Variants in CTNNA2 observed in about 807,000 individuals in gnomAD.
The protein encoded by CTNNA2 is catenin alpha-2.
CTNNA2 carries 42 observed loss-of-function variants against 101.0 expected under a neutral mutation model. That is an observed-to-expected ratio of 0.42 (90% CI 0.32 to 0.54). The LOEUF (loss-of-function observed/expected upper bound fraction) is 0.54. Among genes scored for constraint, CTNNA2 ranks in the 20% least tolerant of loss-of-function variants. The pLI is 0.14. For synonymous variants in CTNNA2, 450 were observed against 456.4 expected (o/e 0.99, Z 0.18); for missense variants, 871 against 1,223.1 (o/e 0.71, Z 4.29).
At chr2:80,219,621 A>G (rs1000803998) in intron 7 of CTNNA2, among the ~76,000 whole-genome samples, 1 of 152,178 alleles carries the variant, frequency 6.6e-6, no homozygotes, top group African/African-American at 2.4e-5. Flanking sequence ...GTAACACTGC[A>G]GAGTTGATGT....
At chr2:79,541,427 CATATATAT>C (rs9284785) in intron 1 of CTNNA2, among the ~76,000 whole-genome samples, 26,403 of 142,450 alleles carry the variant, frequency 0.19, 2,519 homozygotes, top group Middle Eastern at 0.23. Context: ...CGCACACACA[CATATATAT>C]ATATATATAT....
At chr2:80,245,463 C>T (rs1373040705) in intron 7 of CTNNA2, among the ~76,000 whole-genome samples, 2 of 152,196 alleles carry the variant, frequency 1.3e-5, no homozygotes, top group Admixed American at 6.5e-5. Context: ...ATCACATTCA[C>T]AACGAGTCTT....
chr2:79,518,880 G>GT (rs142460002), intron 1 of CTNNA2, among the ~76,000 whole-genome samples: 30,430 of 149,996 alleles, frequency 0.2, 3,259 homozygotes, highest in Middle Eastern at 0.33. Flanking sequence ...CACAAAATAT[G>GT]TTTTTTTTTT....
rs191715034 is a variant in CTNNA2, at chr2:79,513,505, C to G, written c.-6+298C>G. Among the ~76,000 whole-genome samples, 152 of 152,294 alleles carry G rather than the reference C, an allele frequency of 1.0e-3. 2 individuals are homozygous for G. Among genetic ancestry groups the G allele is most frequent in the Admixed American group, 9.5e-3 (145 of 15,300 alleles). On this transcript the variant is annotated intron_variant, in intron 1 of 18. Transcript: ENST00000402739. ...TCTTGTCTCCATCTCTTCTTCCCCC[C>G]TTTCTTACCTCTTCCCCGGTGGGAG...
intron 7 of CTNNA2, among the ~76,000 whole-genome samples, chr2:80,262,181 TCTCCAG>T (rs1672659903): frequency 6.6e-6 from 1 of 152,152 alleles, no homozygotes; most frequent in Non-Finnish European, 1.5e-5. Context: ...TATATGAAGA[TCTCCAG>T]ATGTATCTGG....
chr2:80,603,198 T>G (rs1697707754), intron 15 of CTNNA2, among the ~76,000 whole-genome samples: 1 of 152,140 alleles, frequency 6.6e-6, no homozygotes, highest in Non-Finnish European at 1.5e-5. Context: ...AAACATAATT[T>G]ATTCTTTACC....
At chr2:80,358,479 T>C in intron 7 of CTNNA2, among the ~76,000 whole-genome samples, 1 of 151,506 alleles carries the variant, frequency 6.6e-6, no homozygotes, top group East Asian at 2.0e-4. Flanking sequence ...GCCTCCTGAG[T>C]AGCTGGAATT....
intron 15 of CTNNA2, among the ~76,000 whole-genome samples, chr2:80,599,535 C>G (rs1697278528): frequency 6.6e-6 from 1 of 152,110 alleles, no homozygotes; most frequent in African/African-American, 2.4e-5. Context: ...CCCCTACCTC[C>G]AGAAATGGCA....
chr2:79,526,729 G>A (rs1041746973), intron 1 of CTNNA2, among the ~76,000 whole-genome samples: 2 of 152,064 alleles, frequency 1.3e-5, no homozygotes, highest in Non-Finnish European at 2.9e-5. Context: ...ATGGGGGAAA[G>A]AATAGTTATT....
Position 80,465,277 on chromosome 2 carries a change from G to T in CTNNA2, c.1290+45676G>T, listed in dbSNP as rs370251997. ...AAATATATGCATTTTGTGATCAAGGGGTATGGTCTTAATACATATGTGCTT... is the reference window on the plus strand; with the variant it reads ...AAATATATGCATTTTGTGATCAAGGTGTATGGTCTTAATACATATGTGCTT... On this transcript the variant is annotated intron_variant, in intron 9 of 18. Coordinates refer to ENST00000402739, the MANE Select transcript of CTNNA2 (RefSeq NM_001282597.3). Among the ~76,000 whole-genome samples, 4 of 152,082 alleles carry T rather than the reference G, an allele frequency of 2.6e-5. No homozygotes were observed. The East Asian group carries it at 7.7e-4, about 29-fold the overall frequency.
intron 3 of CTNNA2, among the ~76,000 whole-genome samples, chr2:79,345,977 G>A (rs570734745): frequency 1.3e-5 from 2 of 151,748 alleles, no homozygotes; most frequent in Admixed American, 6.6e-5. Context: ...TAGGATTACA[G>A]GCGTGAGCCA....
At chr2:80,388,216 A>C (rs1414143736) in intron 7 of CTNNA2, among the ~76,000 whole-genome samples, 4 of 152,224 alleles carry the variant, frequency 2.6e-5, no homozygotes, top group African/African-American at 9.6e-5. Flanking sequence ...TGCTGGTCAG[A>C]TACTAATGAG....
intron 2 of CTNNA2, among the ~76,000 whole-genome samples, chr2:79,259,270 G>A (rs1006313250): frequency 2.0e-5 from 3 of 152,132 alleles, no homozygotes; most frequent in African/African-American, 4.8e-5. Context: ...GGGCATATCA[G>A]CCTACTTTAC....
intron 2 of CTNNA2, among the ~76,000 whole-genome samples, chr2:79,664,314 T>C (rs1267915799): frequency 6.6e-6 from 1 of 152,234 alleles, no homozygotes; most frequent in Admixed American, 6.5e-5. Flanking sequence ...TTTTAATTAT[T>C]ACTGTTCAAA....
chr2:80,124,285 C>A (rs1702000422), intron 7 of CTNNA2, among the ~76,000 whole-genome samples: 1 of 152,090 alleles, frequency 6.6e-6, no homozygotes, highest in Non-Finnish European at 1.5e-5. Context: ...TGCAGAGTAT[C>A]TAGGCCCAGG....
At chr2:80,041,303 A>G (rs1308872492) in intron 7 of CTNNA2, among the ~76,000 whole-genome samples, 1 of 151,718 alleles carries the variant, frequency 6.6e-6, no homozygotes, top group East Asian at 1.9e-4. Flanking sequence ...TACATGGAAT[A>G]TTTCCAAGTT....
chr2:79,232,941 T>A (rs1240058508), intron 2 of CTNNA2, among the ~76,000 whole-genome samples: 1 of 152,190 alleles, frequency 6.6e-6, no homozygotes, highest in Non-Finnish European at 1.5e-5. Flanking sequence ...TCTTCTTAAT[T>A]GTTAATTCAG....
At chr2:79,276,759 C>A (rs1675222368) in intron 2 of CTNNA2, among the ~76,000 whole-genome samples, 2 of 151,932 alleles carry the variant, frequency 1.3e-5, no homozygotes, top group East Asian at 1.9e-4. Flanking sequence ...TTAATGATTA[C>A]CCTTATTTTA....
chr2:79,627,585 A>G (rs1409876974), intron 1 of CTNNA2, among the ~76,000 whole-genome samples: 2 of 152,198 alleles, frequency 1.3e-5, no homozygotes, highest in Non-Finnish European at 2.9e-5. Flanking sequence ...TTATAAACAT[A>G]TGGTCTATCT....
Sources: gnomAD v4.1 joint callset for allele counts (sites outside exome capture counted in the v4.1 genomes callset) on GRCh38, gnomAD v4.1.1 for gene constraint, MANE v1.5 for transcripts, NCBI Gene and HGNC (gene_info 2026-07-23, HGNC 2026-07-21) for gene names.